Variants in TIMP2 observed in about 807,000 individuals in gnomAD.
TIMP2 encodes the protein metalloproteinase inhibitor 2.
TIMP2 carries 5 observed loss-of-function variants against 24.3 expected under a neutral mutation model. That is an observed-to-expected ratio of 0.21 (90% CI 0.11 to 0.43). The LOEUF is 0.43. Among genes scored for constraint, TIMP2 ranks in the 20% least tolerant of loss-of-function variants. The pLI is 1.00. For missense variants in TIMP2, 221 were observed against 297.5 expected (o/e 0.74, Z 1.89); for synonymous variants, 130 against 123.2 (o/e 1.06, Z -0.37).
chr17:78,891,913 T>C lies in TIMP2; in HGVS notation c.131-17994A>G, dbSNP rs1312168937. The C allele has an allele frequency of 2.6e-6, 4 of 1,550,628 alleles. No individual in the cohort carries two copies. The Admixed American group carries it at 7.8e-5, about 30-fold the overall frequency. On this transcript the variant is annotated intron_variant, in intron 1 of 4. Transcript: ENST00000262768. The surrounding 1 kb of genome is among the most constrained non-coding windows in gnomAD (Gnocchi z 4.5). The stretch of plus-strand genomic sequence containing the variant: ...TCTGTGGTTTCTCTGGACTCGCTGC[T>C]GTCTTCCGGGGCCTGGAGTGCCTGG...
chr17:78,897,392 G>C (rs2070019265), intron 1 of TIMP2: 1 of 152,162 alleles, frequency 6.6e-6, no homozygotes, highest in Non-Finnish European at 1.5e-5. Flanking sequence ...GGGCCTGTGA[G>C]AGAGTGGCCG....
At chr17:78,906,732 G>A (rs142115650) in intron 1 of TIMP2, among the ~76,000 whole-genome samples, 7,601 of 151,990 alleles carry the variant, frequency 0.05, 299 homozygotes, top group Admixed American at 0.12. Context: ...ACAGGCCTGC[G>A]CCACCACACC....
chr17:78,889,475 T>C (rs61386154), intron 1 of TIMP2, among the ~76,000 whole-genome samples: 1 of 152,244 alleles, frequency 6.6e-6, no homozygotes, highest in Non-Finnish European at 1.5e-5. Context: ...ATGTTGGTTT[T>C]GTTGTGACTT....
chr17:78,899,231 G>A (rs1415121979), intron 1 of TIMP2: 1 of 152,996 alleles, frequency 6.5e-6, no homozygotes, highest in Non-Finnish European at 1.5e-5. Flanking sequence ...CAGCAGCTCA[G>A]CCCTGATCAT....
chr17:78,919,197 A>C (rs2070289355), intron 1 of TIMP2, among the ~76,000 whole-genome samples: 1 of 152,220 alleles, frequency 6.6e-6, no homozygotes, highest in African/African-American at 2.4e-5. Flanking sequence ...GCCTTCTACC[A>C]GGCTCCCTGG....
In TIMP2 at chr17:78,854,494, C is replaced by A. The variant is rs2069508332; in HGVS notation, c.*1173G>T. ...TAGAAAAATAAGATGTCTCTTAAAA[C>A]AGGCCATAGTGTCCTGGAGGCTGAG... On this transcript the variant is annotated 3_prime_UTR_variant, in exon 5 of 5. Coordinates refer to ENST00000262768, the MANE Select transcript of TIMP2 (RefSeq NM_003255.5). 1 of 152,004 alleles carries A rather than the reference C, an allele frequency of 6.6e-6. No individual in the cohort carries two copies. Among genetic ancestry groups the A allele is most frequent in the African/African-American group, 2.4e-5 (1 of 41,396 alleles). 9.4% of individuals were successfully genotyped at this position (152,004 alleles called of 1,614,324 possible).
At chr17:78,874,270 T>C (rs1359554738) in intron 1 of TIMP2, 3 of 207,224 alleles carry the variant, frequency 1.4e-5, no homozygotes, top group East Asian at 1.2e-4. Flanking sequence ...GTTGATATCA[T>C]GCTTGAGTGC....
intron 3 of TIMP2, among the ~76,000 whole-genome samples, chr17:78,861,068 CT>C (rs944419970): frequency 1.7e-4 from 25 of 150,972 alleles, no homozygotes; most frequent in African/African-American, 6.1e-4. Flanking sequence ...AGATATATAA[CT>C]TTCCCCACTA....
Position 78,896,745 on chromosome 17 carries a change from C to G in TIMP2, c.131-22826G>C, listed in dbSNP as rs1236973329. Among the ~76,000 whole-genome samples the G allele has an allele frequency of 6.6e-6, 1 of 152,138 alleles. No individual in the cohort carries two copies. On this transcript the variant is annotated intron_variant, in intron 1 of 4. Transcript: ENST00000262768. The surrounding 1 kb of genome is among the most constrained non-coding windows in gnomAD (Gnocchi z 4.4). ...CAGCAGAAGGAAGGCGAGTGGACAC[C>G]AATCTGGCCTCCGGACGGCACCAGG... is the stretch of plus-strand genomic sequence containing the variant.
At chr17:78,858,534 T>G (rs73393143) in intron 3 of TIMP2, among the ~76,000 whole-genome samples, 6,136 of 152,202 alleles carry the variant, frequency 0.04, 413 homozygotes, top group African/African-American at 0.14. Flanking sequence ...ATTCCACTAT[T>G]GATTTTGAGA....
chr17:78,877,571 A>G (rs1465337387), intron 1 of TIMP2, among the ~76,000 whole-genome samples: 4 of 152,000 alleles, frequency 2.6e-5, no homozygotes, highest in Admixed American at 6.5e-5. Context: ...AAGAAAGAAA[A>G]GGAAAAAAAG....
intron 1 of TIMP2, among the ~76,000 whole-genome samples, chr17:78,876,400 T>C (rs56305453): frequency 0.17 from 25,395 of 151,952 alleles, 2,238 homozygotes; most frequent in East Asian, 0.27. Flanking sequence ...TCCCCACCCC[T>C]GCTAGGCTGG....
chr17:78,919,608 G>C (rs1456794078), intron 1 of TIMP2, among the ~76,000 whole-genome samples: 5 of 152,308 alleles, frequency 3.3e-5, no homozygotes, highest in African/African-American at 1.2e-4. Flanking sequence ...GCCGAGGTGG[G>C]CGGATCACGA....
In TIMP2 at chr17:78,925,012, G is replaced by T; in HGVS notation, c.77C>A (p.Ala26Asp). ...CGGGTGCACCGGGGAGCAGCTGCAG[G>T]CGTCGGCCGGGCGAAGCAGCGTCGC... The part of the protein sequence containing the change: ...LLATLLRPAD[A>D]CSCSPVHPQQ... Residue 26 changes from alanine (A) to aspartate (D), a missense_variant, in exon 1 of 5, where the codon GCC becomes GAC. Physicochemically the swap from Ala to Asp is moderately radical, Grantham distance 126. Coordinates refer to ENST00000262768, the MANE Select transcript of TIMP2 (RefSeq NM_003255.5). 1 of 1,292,696 alleles carries T rather than the reference G, an allele frequency of 7.7e-7. No individual in the cohort carries two copies. 80.1% of individuals were successfully genotyped at this position (1,292,696 alleles called of 1,614,324 possible).
At chr17:78,874,018 G>A in intron 1 of TIMP2, 99 bp from the exon 2 acceptor site, 3 of 1,114,552 alleles carry the variant, frequency 2.7e-6, no homozygotes, top group Non-Finnish European at 4.0e-6. Context: ...AGGTGCTGGG[G>A]GGTTACAGAC....
intron 1 of TIMP2, among the ~76,000 whole-genome samples, chr17:78,918,065 A>AACACACACACACACACACAC (rs57256110): frequency 2.0e-4 from 29 of 144,934 alleles, no homozygotes; most frequent in South Asian, 8.9e-4. Context: ...TGCACACACA[A>AACACACACACACACACACAC]ACACACACAC....
chr17:78,907,497 G>A (rs1169004209), intron 1 of TIMP2, among the ~76,000 whole-genome samples: 28 of 152,154 alleles, frequency 1.8e-4, no homozygotes, highest in Admixed American at 1.8e-3. Context: ...ATCTCATGTG[G>A]GCACAGTTCA....
intron 4 of TIMP2, chr17:78,856,950 T>C (rs1336155523): frequency 1.3e-5 from 2 of 152,736 alleles, no homozygotes; most frequent in African/African-American, 4.8e-5. Flanking sequence ...AGAGCTGAAT[T>C]CATGCTCTTA....
chr17:78,859,612 G>A lies in TIMP2; in HGVS notation c.341-1966C>T, dbSNP rs1020960958. On this transcript the variant is annotated intron_variant, in intron 3 of 4. Transcript: ENST00000262768. ...CGGGAGGTGGAGGTTGCAGTGAGCC[G>A]AGATTGCAAACTGCACTCCAGCCTG... Among the ~76,000 whole-genome samples the A allele has an allele frequency of 3.3e-5, 5 of 151,698 alleles. No homozygotes were observed. In the East Asian group the frequency reaches 5.9e-4, roughly 18 times the overall value.
Sources: gnomAD v4.1 joint callset for allele counts (sites outside exome capture counted in the v4.1 genomes callset) on GRCh38, gnomAD v4.1.1 for gene constraint, Gnocchi (gnomAD v3.1) non-coding constraint, MANE v1.5 for transcripts, NCBI Gene and HGNC (gene_info 2026-07-23, HGNC 2026-07-21) for gene names.